The following HIVEP3 variants were observed in gnomAD, a reference collection of about 807,000 sequenced individuals.
The protein encoded by HIVEP3 is transcription factor HIVEP3.
In HIVEP3, 49 loss-of-function variants were observed where a neutral mutation model predicts 152.8. The ratio of observed to expected loss-of-function variants is 0.32; its 90% CI spans 0.26 to 0.41. The LOEUF is 0.41. Ranked by LOEUF, HIVEP3 falls within the 10% of genes least tolerant of loss-of-function variation. The pLI is 1.00. For missense variants in HIVEP3, 2,790 were observed against 3,103.3 expected (o/e 0.90, Z 2.40); for synonymous variants, 1,269 against 1,289.0 (o/e 0.98, Z 0.33).
At chr1:41,561,264 C>A (rs1024603525) in intron 5 of HIVEP3, among the ~76,000 whole-genome samples, 1 of 152,200 alleles carries the variant, frequency 6.6e-6, no homozygotes, top group Admixed American at 6.5e-5. Flanking sequence ...GTCCTCCAGA[C>A]TCTACAGCCC....
chr1:41,604,345 A>C (rs1644787943), intron 3 of HIVEP3, among the ~76,000 whole-genome samples: 1 of 152,254 alleles, frequency 6.6e-6, no homozygotes, highest in African/African-American at 2.4e-5. Context: ...CATAGTAATA[A>C]AAAAGAACAA....
intron 1 of HIVEP3, among the ~76,000 whole-genome samples, chr1:41,757,738 A>C (rs1294635668): frequency 6.3e-5 from 2 of 31,640 alleles, no homozygotes; most frequent in Non-Finnish European, 4.6e-4. Flanking sequence ...TTTGAGACGG[A>C]GTTTCACTCC....
intron 1 of HIVEP3, among the ~76,000 whole-genome samples, chr1:41,910,440 A>T (rs1644777581): frequency 6.6e-6 from 1 of 151,982 alleles, no homozygotes; most frequent in Non-Finnish European, 1.5e-5. Context: ...GAAAGAAAGA[A>T]CTCCAGCCTC....
At chr1:41,959,904 T>C (rs1480104094) in intron 1 of HIVEP3, among the ~76,000 whole-genome samples, 1 of 152,162 alleles carries the variant, frequency 6.6e-6, no homozygotes. Flanking sequence ...CTGAGTTGTC[T>C]TACTGGCAAG....
At chr1:41,809,529 C>T (rs1335957427) in intron 1 of HIVEP3, among the ~76,000 whole-genome samples, 4 of 152,148 alleles carry the variant, frequency 2.6e-5, no homozygotes, top group African/African-American at 9.7e-5. Context: ...ATATGGTGAC[C>T]ATATTTTCTG....
chr1:41,900,753 A>T (rs1343381821), intron 1 of HIVEP3, among the ~76,000 whole-genome samples: 2 of 152,100 alleles, frequency 1.3e-5, no homozygotes, highest in East Asian at 3.9e-4. Context: ...AGGAAAAAGG[A>T]AATGTGTGTG....
At position 41,583,151 on chromosome 1, in the gene HIVEP3, A is replaced by T; in HGVS notation, c.1647T>A (p.Thr549=). The T allele has an allele frequency of 1.2e-6, 2 of 1,612,088 alleles. No individual in the cohort carries two copies. The highest frequency in any genetic ancestry group is 1.7e-6 in the Non-Finnish European group (2 of 1,179,528). Residue 549 remains threonine, a synonymous_variant, in exon 4 of 9, where the codon ACT becomes ACA. Transcript: ENST00000372583. This position sits in a 1 kb window ranked among gnomAD's most constrained non-coding sequence, Gnocchi z 6.9. ...RSHSMPSAAC[T]ISTPHHPFRG... Reference sequence around the variant, plus strand: ...GGAAGGGGTGGTGGGGGGTGCTGATAGTGCAGGCGGCAGAAGGCATTGAGT... The same window carrying T: ...GGAAGGGGTGGTGGGGGGTGCTGATTGTGCAGGCGGCAGAAGGCATTGAGT...
In HIVEP3 at chr1:41,637,771, A is replaced by T. The variant is rs551870362; in HGVS notation, c.-720-8824T>A. ...CCATACTGTTCTTTTTTTAAGCACT[A>T]AGCATGTATCACTTTTGTAATTTGA... On this transcript the variant is annotated intron_variant, in intron 2 of 8. Coordinates refer to ENST00000372583, the MANE Select transcript of HIVEP3 (RefSeq NM_024503.5). Among the ~76,000 whole-genome samples the T allele has an allele frequency of 5.9e-4, 90 of 152,340 alleles. 1 individual carries two copies. Among genetic ancestry groups the T allele is most frequent in the African/African-American group, 2.0e-3 (82 of 41,572 alleles).
intron 1 of HIVEP3, among the ~76,000 whole-genome samples, chr1:41,725,340 G>C (rs180890761): frequency 2.6e-5 from 4 of 152,342 alleles, no homozygotes; most frequent in Non-Finnish European, 5.9e-5. Flanking sequence ...ACAAGGGAAT[G>C]ATGGTTCCTT....
At chr1:41,924,922 C>T (rs1196223024) in intron 1 of HIVEP3, among the ~76,000 whole-genome samples, 1 of 152,186 alleles carries the variant, frequency 6.6e-6, no homozygotes, top group Admixed American at 6.5e-5. Flanking sequence ...GTAACCAATG[C>T]CTCCAATCAT....
At chr1:41,553,513 T>C (rs1643919792) in intron 5 of HIVEP3, among the ~76,000 whole-genome samples, 1 of 152,242 alleles carries the variant, frequency 6.6e-6, no homozygotes, top group Non-Finnish European at 1.5e-5. Flanking sequence ...AAGGTTAATA[T>C]TGTTATGTGT....
intron 1 of HIVEP3, among the ~76,000 whole-genome samples, chr1:41,994,173 A>G (rs1399284316): frequency 6.6e-6 from 1 of 151,912 alleles, no homozygotes; most frequent in Non-Finnish European, 1.5e-5. Flanking sequence ...AAATAAAAAT[A>G]AAGAAAAAAA....
intron 1 of HIVEP3, among the ~76,000 whole-genome samples, chr1:41,969,899 T>C (rs574484378): frequency 6.6e-6 from 1 of 152,188 alleles, no homozygotes; most frequent in Admixed American, 6.5e-5. Flanking sequence ...GCAAAGGACA[T>C]GAACAGACAC....
chr1:41,754,752 G>A (rs1399983650), intron 1 of HIVEP3, among the ~76,000 whole-genome samples: 2 of 152,154 alleles, frequency 1.3e-5, no homozygotes, highest in Non-Finnish European at 2.9e-5. Context: ...GGGGGCACTG[G>A]CTGCCTGCTT....
chr1:41,771,947 G>T (rs1235698045), intron 1 of HIVEP3, among the ~76,000 whole-genome samples: 1 of 152,150 alleles, frequency 6.6e-6, no homozygotes, highest in Non-Finnish European at 1.5e-5. Flanking sequence ...TTACAGGCGT[G>T]AGCCACCGCA....
At chr1:41,917,693 T>C (rs912021693) in intron 1 of HIVEP3, among the ~76,000 whole-genome samples, 1 of 151,958 alleles carries the variant, frequency 6.6e-6, no homozygotes, top group African/African-American at 2.4e-5. Context: ...GATAGTAAAA[T>C]GTGGGGCATA....
Position 41,605,603 on chromosome 1 carries a change from C to CTGTTTGGG in HIVEP3, c.-521-20286_-521-20285insCCCAAACA, listed in dbSNP as rs747706832. ...TAGATGCCATGATAGAAACAGGTTC[C>CTGTTTGGG]CAGTACAGGTTGGGAGAGGCTGACT... On this transcript the variant is annotated intron_variant, in intron 3 of 8. Transcript: ENST00000372583. Among the ~76,000 whole-genome samples the CTGTTTGGG allele has an allele frequency of 1.0e-3, 152 of 151,982 alleles. No individual in the cohort carries two copies. In the Middle Eastern group the frequency reaches 0.01, roughly 10 times the overall value.
intron 2 of HIVEP3, among the ~76,000 whole-genome samples, chr1:41,694,299 C>T (rs889696098): frequency 2.0e-5 from 3 of 152,138 alleles, no homozygotes; most frequent in South Asian, 4.1e-4. Context: ...ACTCAGCACT[C>T]GGCCTTTTGC....
At chr1:41,826,195 C>G (rs935842674) in intron 1 of HIVEP3, among the ~76,000 whole-genome samples, 5 of 152,164 alleles carry the variant, frequency 3.3e-5, no homozygotes, top group Admixed American at 2.0e-4. Flanking sequence ...TGCTCATTAA[C>G]CGATATTTTG....
Sources: allele counts gnomAD v4.1 joint callset (sites outside exome capture counted in the v4.1 genomes callset), GRCh38; gene constraint gnomAD v4.1.1; non-coding constraint Gnocchi (gnomAD v3.1); transcripts MANE v1.5; gene names NCBI Gene and HGNC (gene_info 2026-07-23, HGNC 2026-07-21).